The following KIF16B variants were observed in gnomAD, a reference collection of about 807,000 sequenced individuals.
KIF16B encodes the protein kinesin-like protein KIF16B.
Under a neutral mutation model 156.3 loss-of-function variants are expected in KIF16B, and 98 were observed. The observed-to-expected ratio is 0.63, with a 90% CI of 0.53 to 0.74. The LOEUF is 0.74. KIF16B is among the 30% of genes least tolerant of loss of function. The pLI, the probability that KIF16B is intolerant of heterozygous loss-of-function variation, is 0.00. For missense variants in KIF16B, 1,421 were observed against 1,606.5 expected, an observed-to-expected ratio of 0.88 and a Z score of 1.97; for synonymous variants, 564 against 583.7, an observed-to-expected ratio of 0.97 and a Z score of 0.49.
At chr20:16,396,648 C>CTTCTTTTT (rs549708653) in intron 17 of KIF16B, among the ~76,000 whole-genome samples, 2 of 124,664 alleles carry the variant, frequency 1.6e-5, no homozygotes, top group African/African-American at 2.8e-5. Flanking sequence ...ACTGTAGTCG[C>CTTCTTTTT]TTTTTTTTTT....
intron 23 of KIF16B, 101 bp downstream of exon 23, chr20:16,356,228 TA>T: frequency 7.0e-7 from 1 of 1,422,354 alleles, no homozygotes; most frequent in Non-Finnish European, 9.8e-7. Context: ...ACAAACAGGA[TA>T]TTCACATGCA....
intron 2 of KIF16B, among the ~76,000 whole-genome samples, chr20:16,527,431 C>T (rs941083633): frequency 1.3e-5 from 2 of 152,216 alleles, no homozygotes; most frequent in Non-Finnish European, 2.9e-5. Context: ...TAATAGAAAT[C>T]TCCACAGATG....
intron 7 of KIF16B, among the ~76,000 whole-genome samples, chr20:16,507,632 G>T (rs1455991676): frequency 6.6e-6 from 1 of 152,054 alleles, no homozygotes; most frequent in African/African-American, 2.4e-5. Flanking sequence ...GGTCTGACTC[G>T]CAATCCATTA....
At chr20:16,329,125 A>G (rs2122879162) in intron 24 of KIF16B, among the ~76,000 whole-genome samples, 1 of 152,310 alleles carries the variant, frequency 6.6e-6, no homozygotes, top group East Asian at 1.9e-4. Flanking sequence ...ATGTCATCCA[A>G]CTTTATTAAA....
intron 9 of KIF16B, 24 bp downstream of exon 9, chr20:16,505,698 A>C: frequency 6.2e-7 from 1 of 1,604,228 alleles, no homozygotes; most frequent in Non-Finnish European, 8.5e-7. Flanking sequence ...TTGTATGCTC[A>C]GAAAAGTAAC....
chr20:16,391,315 G>A (rs1195242228), intron 17 of KIF16B, among the ~76,000 whole-genome samples: 8 of 152,136 alleles, frequency 5.3e-5, no homozygotes, highest in Non-Finnish European at 1.0e-4. Context: ...CCCTGCCCAT[G>A]AGTCCTCTAT....
intron 1 of KIF16B, among the ~76,000 whole-genome samples, chr20:16,570,792 G>A (rs752600631): frequency 6.6e-6 from 1 of 152,094 alleles, no homozygotes; most frequent in Non-Finnish European, 1.5e-5. Context: ...CATTTGCTGT[G>A]CTGGTTCTCC....
intron 15 of KIF16B, among the ~76,000 whole-genome samples, chr20:16,416,631 C>A (rs2066094421): frequency 6.6e-6 from 1 of 151,644 alleles, no homozygotes; most frequent in African/African-American, 2.4e-5. Context: ...GCCATTAATA[C>A]CTAGGTGATG....
chr20:16,378,863 A>C lies in KIF16B; in HGVS notation c.3139T>G (p.Ser1047Ala). 6.2e-7 allele frequency: 1 copy of C among 1,613,908 alleles called. No individual in the cohort carries two copies. Among genetic ancestry groups the C allele is most frequent in the Non-Finnish European group, 8.5e-7 (1 of 1,179,950 alleles). The change falls in exon 19 of 26, where the codon TCA becomes GCA. Residue 1047 changes from serine to alanine, a missense_variant. Coordinates refer to ENST00000354981, the MANE Select transcript of KIF16B (RefSeq NM_024704.5). ...GCCTCCAGGCTAGCCTGGAGCCCTG[A>C]CTGCTCTCTGCTGCCACTGTTCAGA... ...ASLNSGSREQ[S>A]GLQASLEAEQ...
intron 22 of KIF16B, among the ~76,000 whole-genome samples, chr20:16,362,797 A>C (rs2064575930): frequency 6.6e-6 from 1 of 152,218 alleles, no homozygotes; most frequent in South Asian, 2.1e-4. Flanking sequence ...AAATATGAGC[A>C]AGAAGTCCTA....
intron 1 of KIF16B, among the ~76,000 whole-genome samples, chr20:16,572,894 C>G (rs1490866362): frequency 6.7e-6 from 1 of 150,002 alleles, no homozygotes; most frequent in Admixed American, 6.6e-5. Flanking sequence ...GGTGCCCCCC[C>G]TCAGCACTCT....
intron 10 of KIF16B, among the ~76,000 whole-genome samples, chr20:16,497,900 G>A (rs2068499751): frequency 6.6e-6 from 1 of 152,044 alleles, no homozygotes; most frequent in Non-Finnish European, 1.5e-5. Flanking sequence ...ACCTACATTT[G>A]CAATACAAAT....
intron 12 of KIF16B, among the ~76,000 whole-genome samples, chr20:16,435,862 G>C (rs968869211): frequency 3.3e-5 from 5 of 152,186 alleles, no homozygotes; most frequent in African/African-American, 7.2e-5. Flanking sequence ...GGCCTCAAAG[G>C]CTTTCTTTAT....
chr20:16,388,627 A>ATT (rs540736077), intron 17 of KIF16B, among the ~76,000 whole-genome samples: 3 of 148,036 alleles, frequency 2.0e-5, no homozygotes, highest in African/African-American at 4.9e-5. Context: ...CATACAACCT[A>ATT]TTTTTTTTTT....
intron 3 of KIF16B, among the ~76,000 whole-genome samples, chr20:16,520,170 T>C (rs909806199): frequency 1.5e-4 from 23 of 149,958 alleles, no homozygotes; most frequent in African/African-American, 3.4e-4. Flanking sequence ...GGAACACCAA[T>C]GAGACAGAAC....
intron 12 of KIF16B, among the ~76,000 whole-genome samples, chr20:16,456,442 T>TACAC (rs149717403): frequency 6.6e-6 from 1 of 151,000 alleles, no homozygotes; most frequent in African/African-American, 2.4e-5. Context: ...CCAATTAAGA[T>TACAC]ACACACACAC....
At chr20:16,567,305 G>A (rs1380854351) in intron 1 of KIF16B, among the ~76,000 whole-genome samples, 1 of 152,136 alleles carries the variant, frequency 6.6e-6, no homozygotes, top group Non-Finnish European at 1.5e-5. Flanking sequence ...TATCTATATG[G>A]TCGCTGGCAA....
At chr20:16,479,374 G>C (rs1264563905) in intron 12 of KIF16B, among the ~76,000 whole-genome samples, 3 of 152,130 alleles carry the variant, frequency 2.0e-5, no homozygotes, top group Non-Finnish European at 1.5e-5. Context: ...GATGGGGCAG[G>C]GGGAGGGAGA....
chr20:16,568,102 G>GT (rs2071326590), intron 1 of KIF16B, among the ~76,000 whole-genome samples: 3 of 152,106 alleles, frequency 2.0e-5, no homozygotes, highest in Non-Finnish European at 4.4e-5. Flanking sequence ...CTTTTTAAAA[G>GT]AGGAAGACGT....
Sources: gnomAD v4.1 joint callset for allele counts (sites outside exome capture counted in the v4.1 genomes callset) on GRCh38, gnomAD v4.1.1 for gene constraint, MANE v1.5 for transcripts, NCBI Gene and HGNC (gene_info 2026-07-23, HGNC 2026-07-21) for gene names.